The following SLC4A10 variants were observed in gnomAD, a reference collection of about 807,000 sequenced individuals.
SLC4A10 encodes sodium-driven chloride bicarbonate exchanger.
A neutral mutation model predicts 137.7 loss-of-function variants in SLC4A10; 42 were observed. The observed-to-expected ratio is 0.30, with a 90% CI of 0.24 to 0.39. The LOEUF (loss-of-function observed/expected upper bound fraction) is 0.39. Among genes scored for constraint, SLC4A10 ranks in the 10% least tolerant of loss-of-function variants. The pLI is 1.00. For synonymous variants in SLC4A10, 474 were observed against 464.1 expected (o/e 1.02, Z -0.27); for missense variants, 925 against 1,355.0 (o/e 0.68, Z 4.98).
At chr2:161,659,092 G>A (rs952575433) in intron 1 of SLC4A10, among the ~76,000 whole-genome samples, 3 of 152,062 alleles carry the variant, frequency 2.0e-5, no homozygotes, top group Non-Finnish European at 2.9e-5. Context: ...TATAAAAAAG[G>A]TACCTTCATT....
At chr2:161,707,351 T>A (rs775163174) in intron 1 of SLC4A10, among the ~76,000 whole-genome samples, 63 of 151,528 alleles carry the variant, frequency 4.2e-4, no homozygotes, top group Non-Finnish European at 8.1e-4. Flanking sequence ...GTAAATAAAG[T>A]GTTCATAGAG....
At chr2:161,842,499 A>G (rs1449632) in intron 4 of SLC4A10, among the ~76,000 whole-genome samples, 102,615 of 151,464 alleles carry the variant, frequency 0.68, 35,037 homozygotes, top group East Asian at 0.99. Flanking sequence ...TCCTTTATTT[A>G]TTTTATATAA....
At chr2:161,803,698 T>C (rs1287068905) in intron 2 of SLC4A10, among the ~76,000 whole-genome samples, 1 of 152,158 alleles carries the variant, frequency 6.6e-6, no homozygotes, top group East Asian at 1.9e-4. Flanking sequence ...GGTTGACAGC[T>C]CATTTCCTTT....
intron 1 of SLC4A10, among the ~76,000 whole-genome samples, chr2:161,670,540 G>A (rs2222022): frequency 0.87 from 132,416 of 151,910 alleles, 58,319 homozygotes; most frequent in East Asian, 1. Context: ...GTTTTATCTC[G>A]TGCGTACATA....
At chr2:161,634,493 C>T (rs906382739) in intron 1 of SLC4A10, among the ~76,000 whole-genome samples, 2 of 151,772 alleles carry the variant, frequency 1.3e-5, no homozygotes. Context: ...TTAATTTTAG[C>T]ACTCATTGGT....
intron 3 of SLC4A10, 42 bp downstream of exon 3, chr2:161,804,637 A>AAT (rs770119685): frequency 3.9e-6 from 6 of 1,537,308 alleles, no homozygotes; most frequent in Middle Eastern, 1.7e-4. Flanking sequence ...TAATTATTGT[A>AAT]ATATACTTGC....
intron 1 of SLC4A10, among the ~76,000 whole-genome samples, chr2:161,761,098 G>A (rs1297813924): frequency 1.3e-5 from 2 of 152,024 alleles, no homozygotes; most frequent in African/African-American, 4.8e-5. Flanking sequence ...TCAAGACAGA[G>A]AGATTACATA....
intron 2 of SLC4A10, among the ~76,000 whole-genome samples, chr2:161,790,369 T>G (rs2054067948): frequency 6.6e-6 from 1 of 152,194 alleles, no homozygotes; most frequent in Non-Finnish European, 1.5e-5. Context: ...AAAAGTCTTA[T>G]AATTTCCTTA....
intron 11 of SLC4A10, among the ~76,000 whole-genome samples, chr2:161,895,587 T>A (rs934026798): frequency 5.3e-5 from 8 of 152,196 alleles, no homozygotes; most frequent in African/African-American, 1.9e-4. Context: ...GTTTCCTGAC[T>A]TTTTAATGAT....
chr2:161,774,367 G>A (rs972422225), intron 2 of SLC4A10, among the ~76,000 whole-genome samples: 2 of 151,806 alleles, frequency 1.3e-5, no homozygotes, highest in East Asian at 3.9e-4. Context: ...TTTTAGTATA[G>A]GTACATCCCA....
intron 1 of SLC4A10, among the ~76,000 whole-genome samples, chr2:161,685,579 G>A (rs1387277556): frequency 6.6e-6 from 1 of 151,272 alleles, no homozygotes; most frequent in Non-Finnish European, 1.5e-5. Context: ...CTGCATTCCA[G>A]CCTGGGTGAC....
chr2:161,751,319 CCTTT>C (rs1380478525), intron 1 of SLC4A10, among the ~76,000 whole-genome samples: 2 of 144,592 alleles, frequency 1.4e-5, no homozygotes, highest in Non-Finnish European at 3.0e-5. Flanking sequence ...TTCTTTTGTC[CCTTT>C]CTTTTTTAAC....
chr2:161,732,914 A>T (rs569040870), intron 1 of SLC4A10, among the ~76,000 whole-genome samples: 1 of 152,170 alleles, frequency 6.6e-6, no homozygotes, highest in South Asian at 2.1e-4. Flanking sequence ...CCCCTGCCCT[A>T]GTGATTTCTG....
chr2:161,938,313 G>A (rs1339153594), intron 15 of SLC4A10, among the ~76,000 whole-genome samples: 1 of 151,904 alleles, frequency 6.6e-6, no homozygotes, highest in Non-Finnish European at 1.5e-5. Context: ...ATAAAGAAAA[G>A]TTAGCTTTAT....
At chr2:161,722,546 A>G (rs899612508) in intron 1 of SLC4A10, among the ~76,000 whole-genome samples, 7 of 152,162 alleles carry the variant, frequency 4.6e-5, no homozygotes, top group South Asian at 2.1e-4. Flanking sequence ...AGAACAGCAA[A>G]GATGGGAGCT....
At chr2:161,895,482 C>G (rs1297718726) in intron 11 of SLC4A10, among the ~76,000 whole-genome samples, 1 of 152,052 alleles carries the variant, frequency 6.6e-6, no homozygotes, top group Admixed American at 6.6e-5. Flanking sequence ...CCTGAGGAAT[C>G]GCCACACTGA....
At chr2:161,881,604 G>A (rs1484492813) in intron 9 of SLC4A10, among the ~76,000 whole-genome samples, 1 of 151,958 alleles carries the variant, frequency 6.6e-6, no homozygotes, top group African/African-American at 2.4e-5. Context: ...AGAATGATAT[G>A]GCAGAATATA....
chr2:161,900,803 C>A, intron 11 of SLC4A10, 108 bp from the exon 12 acceptor site: 1 of 725,694 alleles, frequency 1.4e-6, no homozygotes, highest in Non-Finnish European at 2.2e-6. Context: ...CCTGGGTTCT[C>A]AGCTATTGTG....
chr2:161,842,833 G>T (rs962084395), intron 4 of SLC4A10, among the ~76,000 whole-genome samples: 1 of 152,020 alleles, frequency 6.6e-6, no homozygotes, highest in African/African-American at 2.4e-5. Context: ...ACAGATTAGT[G>T]ATATAACTTG....
Sources: allele counts gnomAD v4.1 joint callset (sites outside exome capture counted in the v4.1 genomes callset), GRCh38; gene constraint gnomAD v4.1.1; transcripts MANE v1.5; gene names NCBI Gene and HGNC (gene_info 2026-07-23, HGNC 2026-07-21).